Variants in SEC13 observed in about 807,000 individuals in gnomAD.
The protein encoded by SEC13 is SEC13 homolog, nuclear pore and COPII component.
Under a neutral mutation model 49.2 loss-of-function variants are expected in SEC13, and 25 were observed. The observed-to-expected ratio is 0.51, with a 90% CI of 0.37 to 0.71. SEC13 has a LOEUF of 0.71. SEC13 is among the 30% of genes least tolerant of loss of function. SEC13 has a pLI of 0.00. For missense variants in SEC13, 383 were observed against 417.6 expected, an observed-to-expected ratio of 0.92 and a Z score of 0.72; for synonymous variants, 148 against 163.9, an observed-to-expected ratio of 0.90 and a Z score of 0.74.
rs201966583 is a variant in SEC13, at chr3:10,318,184, C to CTCAT, written c.4-94_4-91dup. The CTCAT allele has an allele frequency of 8.3e-3, 7,016 of 846,016 alleles. 42 individuals are homozygous for CTCAT. Among genetic ancestry groups the CTCAT allele is most frequent in the East Asian group, 0.018 (737 of 40,390 alleles). 52.4% of individuals were successfully genotyped at this position (846,016 alleles called of 1,614,324 possible). On this transcript the variant is annotated intron_variant, in intron 1 of 8. Transcript: ENST00000350697. ...TTGACTGCATTTGTTTGTTCACTCA[C>CTCAT]TCATTCATTCATTCATTCAGTAAGC...
chr3:10,309,157 T>TA, intron 5 of SEC13, among the ~76,000 whole-genome samples: 1 of 151,988 alleles, frequency 6.6e-6, no homozygotes, highest in Middle Eastern at 3.4e-3. Flanking sequence ...AGGCTGGTCT[T>TA]AAACTCCTGA....
intron 3 of SEC13, 91 bp from the exon 4 acceptor site, chr3:10,312,821 C>G: frequency 7.6e-7 from 1 of 1,316,396 alleles, no homozygotes; most frequent in South Asian, 1.3e-5. Flanking sequence ...GACGATATAT[C>G]AGGGCAGAAT....
chr3:10,302,658 T>C (rs1700608703), intron 8 of SEC13, among the ~76,000 whole-genome samples: 1 of 152,188 alleles, frequency 6.6e-6, no homozygotes, highest in African/African-American at 2.4e-5. Flanking sequence ...CTGCTAGATC[T>C]TTCTGGGACC....
At chr3:10,302,432 G>GAAAC (rs1333813029) in intron 8 of SEC13, among the ~76,000 whole-genome samples, 1 of 152,180 alleles carries the variant, frequency 6.6e-6, no homozygotes, top group Non-Finnish European at 1.5e-5. Context: ...ACAGCGAAAG[G>GAAAC]AAACAGGCTT....
chr3:10,309,086 C>T (rs1260225071), intron 5 of SEC13, among the ~76,000 whole-genome samples: 7 of 151,594 alleles, frequency 4.6e-5, no homozygotes, highest in East Asian at 1.9e-4. Context: ...TACAGGTGTG[C>T]GCCACCACGT....
intron 5 of SEC13, among the ~76,000 whole-genome samples, chr3:10,306,424 C>G (rs375541841): frequency 2.0e-5 from 3 of 152,186 alleles, no homozygotes; most frequent in Admixed American, 1.3e-4. Context: ...TCAGGAGGCA[C>G]GTTAGATTGT....
At chr3:10,304,993 G>T in intron 7 of SEC13, 40 bp downstream of exon 7, 2 of 1,613,170 alleles carry the variant, frequency 1.2e-6, no homozygotes, top group South Asian at 2.2e-5. Flanking sequence ...GGCCTGACTC[G>T]AGACTAAATG....
At chr3:10,308,640 C>A (rs1474461673) in intron 5 of SEC13, among the ~76,000 whole-genome samples, 1 of 152,036 alleles carries the variant, frequency 6.6e-6, no homozygotes, top group African/African-American at 2.4e-5. Flanking sequence ...TTCTTCTGCA[C>A]CAATCCTTAC....
intron 1 of SEC13, among the ~76,000 whole-genome samples, chr3:10,318,844 C>T (rs2059710913): frequency 6.6e-6 from 1 of 152,204 alleles, no homozygotes; most frequent in African/African-American, 2.4e-5. Flanking sequence ...AATGGCTGGA[C>T]TCTCTTGCAT....
intron 1 of SEC13, among the ~76,000 whole-genome samples, chr3:10,318,703 A>G (rs917215094): frequency 6.6e-6 from 1 of 152,168 alleles, no homozygotes; most frequent in Admixed American, 6.5e-5. Context: ...TCCGTCACGT[A>G]GTGGGATCCA....
At chr3:10,304,907 C>T (rs1700771395) in intron 7 of SEC13, 126 bp downstream of exon 7, 1 of 1,424,944 alleles carries the variant, frequency 7.0e-7, no homozygotes, top group Non-Finnish European at 9.7e-7. Flanking sequence ...ACTCCCTGTG[C>T]TCTGGGCCAA....
intron 3 of SEC13, chr3:10,312,965 T>C: frequency 6.4e-6 from 3 of 472,260 alleles, no homozygotes; most frequent in Non-Finnish European, 1.1e-5. Flanking sequence ...GTTGAGCCTC[T>C]GGGTCAGCCT....
intron 3 of SEC13, 119 bp downstream of exon 3, chr3:10,315,202 C>T: frequency 1.4e-6 from 1 of 727,240 alleles, no homozygotes; most frequent in Non-Finnish European, 2.3e-6. Context: ...GTCCTCTCCG[C>T]TAAATGTGCT....
At chr3:10,319,761 T>TGAGA (rs34434283) in intron 1 of SEC13, among the ~76,000 whole-genome samples, 54 of 45,508 alleles carry the variant, frequency 1.2e-3, no homozygotes, top group South Asian at 7.8e-3. Flanking sequence ...CACTTCTGAA[T>TGAGA]GAGAGAGAGA....
At chr3:10,320,959 T>C (rs1323383577) in intron 1 of SEC13, 91 bp downstream of exon 1, 1 of 1,580,004 alleles carries the variant, frequency 6.3e-7, no homozygotes. Flanking sequence ...CGGCTCCAGC[T>C]TGGGATTTGG....
chr3:10,310,439 C>T (rs1428409762), intron 5 of SEC13, among the ~76,000 whole-genome samples: 5 of 151,972 alleles, frequency 3.3e-5, no homozygotes, highest in Non-Finnish European at 7.4e-5. Context: ...TGCAGTGAGC[C>T]GAGATCATGT....
At chr3:10,320,716 G>A (rs1304719557) in intron 1 of SEC13, 1 of 1,185,354 alleles carries the variant, frequency 8.4e-7, no homozygotes, top group East Asian at 3.9e-5. Context: ...GTTAGCAGGC[G>A]GAGATTACGA....
Position 10,312,010 on chromosome 3 carries a change from G to C in SEC13, c.405C>G (p.Thr135=). ...SDGAISLLTY[T]GEGQWEVKKI... is the part of the protein sequence containing the mutation. ...TCTTTACTTCCCATTGGCCTTCCCCGGTGTAAGTCAGCAGGGAGATGGCCC... is the reference window on the plus strand; with the variant it reads ...TCTTTACTTCCCATTGGCCTTCCCCCGTGTAAGTCAGCAGGGAGATGGCCC... Residue 135 remains threonine, a synonymous_variant, in exon 5 of 9, where the codon ACC becomes ACG. Transcript: ENST00000350697. 6.2e-7 allele frequency: 1 copy of C among 1,614,128 alleles called. No individual in the cohort carries two copies. The highest frequency in any genetic ancestry group is 8.5e-7 in the Non-Finnish European group (1 of 1,180,002).
chr3:10,312,066 C>T lies in SEC13; in HGVS notation c.349G>A (p.Gly117Ser), dbSNP rs191059398. 60 of 1,610,884 alleles carry T rather than the reference C, an allele frequency of 3.7e-5. No homozygotes were observed. The highest frequency in any genetic ancestry group is 4.3e-5 in the Non-Finnish European group (51 of 1,178,518). ...GAGCTCCCACAGGCCAGGATCAGGCCGTAGTCATGGGGGGCCCAGCACACC... is the reference window on the plus strand; with the variant it reads ...GAGCTCCCACAGGCCAGGATCAGGCTGTAGTCATGGGGGGCCCAGCACACC... ...NSVCWAPHDY[G>S]LILACGSSDG... Residue 117 changes from glycine to serine, a missense_variant, in exon 5 of 9, where the codon GGC becomes AGC. By Grantham distance (56) the Gly-to-Ser change is moderately conservative. Transcript: ENST00000350697.
Sources: gnomAD v4.1 joint callset for allele counts (sites outside exome capture counted in the v4.1 genomes callset) on GRCh38, gnomAD v4.1.1 for gene constraint, MANE v1.5 for transcripts, NCBI Gene and HGNC (gene_info 2026-07-23, HGNC 2026-07-21) for gene names.